PTCD3: variants seen among roughly 807,000 people sequenced by gnomAD.
PTCD3 encodes pentatricopeptide repeat domain 3.
In PTCD3, 89 loss-of-function variants were observed where a neutral mutation model predicts 101.9. The ratio of observed to expected loss-of-function variants is 0.87; its 90% CI spans 0.74 to 1.04. The LOEUF (loss-of-function observed/expected upper bound fraction) is 1.04. PTCD3 is among the 50% of genes least tolerant of loss of function. PTCD3 has a pLI of 0.00. For missense variants in PTCD3, 870 were observed against 828.2 expected, an observed-to-expected ratio of 1.05 and a Z score of -0.62; for synonymous variants, 296 against 278.5, an observed-to-expected ratio of 1.06 and a Z score of -0.63.
Position 86,111,142 on chromosome 2 carries a change from C to G in PTCD3, c.224C>G (p.Ala75Gly), listed in dbSNP as rs768878149. 1.9e-6 allele frequency: 3 copies of G among 1,613,518 alleles called. No homozygotes were observed. Among genetic ancestry groups the G allele is most frequent in the East Asian group, 2.2e-5 (1 of 44,880 alleles). ...AAAGTAGCCGTTCTTCAGGCACTTG[C>G]ATCCACAGTAAACAGGGTAAGTAGG... ...WDKVAVLQAL[A>G]STVNRDTTAV... Residue 75 changes from alanine to glycine, a missense_variant, in exon 4 of 24, where the codon GCA (alanine) becomes GGA (glycine). By Grantham distance (60) the Ala-to-Gly change is moderately conservative. Coordinates refer to ENST00000254630, the MANE Select transcript of PTCD3 (RefSeq NM_017952.6).
intron 17 of PTCD3, 163 bp downstream of exon 17, chr2:86,132,587 G>C: frequency 2.1e-6 from 1 of 465,872 alleles, no homozygotes; most frequent in Non-Finnish European, 3.8e-6. Flanking sequence ...TGGTAAAACT[G>C]CCAGATTTGA....
chr2:86,122,483 C>G (rs1444991300), intron 8 of PTCD3, among the ~76,000 whole-genome samples: 1 of 151,198 alleles, frequency 6.6e-6, no homozygotes, highest in Non-Finnish European at 1.5e-5. Context: ...GCTATCATAG[C>G]TTACTGCAGC....
chr2:86,106,431 GGCAC>G (rs1223330975), intron 1 of PTCD3, 80 bp downstream of exon 1: 20 of 1,441,554 alleles, frequency 1.4e-5, no homozygotes, highest in Admixed American at 1.9e-5. Flanking sequence ...TGTGGAAGTA[GGCAC>G]GATGAAATGG....
In PTCD3 at chr2:86,134,277, C is replaced by CT. The variant is rs1166920794; in HGVS notation, c.1544-12dup. On this transcript the variant is annotated splice_polypyrimidine_tract_variant and intron_variant, in intron 19 of 23. Coordinates refer to ENST00000254630, the MANE Select transcript of PTCD3 (RefSeq NM_017952.6). ...ACATAACAATGATCACTCCTTGTTC[C>CT]TTTCTTGTTTCAAGATAGTAAAGAA... 1 of 1,577,874 alleles carries CT rather than the reference C, an allele frequency of 6.3e-7. No homozygotes were observed. The highest frequency in any genetic ancestry group is 1.3e-5 in the African/African-American group (1 of 74,112).
chr2:86,122,401 C>T (rs1674299115), intron 8 of PTCD3, among the ~76,000 whole-genome samples: 4 of 152,214 alleles, frequency 2.6e-5, no homozygotes, highest in Admixed American at 2.6e-4. Flanking sequence ...CTTTGCCCAA[C>T]TAAATGTGGA....
intron 12 of PTCD3, among the ~76,000 whole-genome samples, chr2:86,126,782 A>G (rs573826554): frequency 1.2e-3 from 179 of 151,864 alleles, no homozygotes; most frequent in Non-Finnish European, 1.9e-3. Flanking sequence ...GGTTGCAGTG[A>G]GCCAAGATCG....
At chr2:86,115,192 C>T (rs931885905) in intron 4 of PTCD3, among the ~76,000 whole-genome samples, 1 of 152,190 alleles carries the variant, frequency 6.6e-6, no homozygotes, top group Admixed American at 6.5e-5. Context: ...CAGCCTTGGA[C>T]GCAGACCTTC....
rs1340030078 is a variant in PTCD3 at position 86,141,609 on chromosome 2, T to TA, written c.*4053dup. ...AGTTTGTTACATTATTTTGAAATAT[T>TA]AAACATGAAAATGTTAAATCAGGAT... On this transcript the variant is annotated 3_prime_UTR_variant, in exon 24 of 24. Transcript: ENST00000254630. 2 of 152,224 alleles carry TA rather than the reference T, an allele frequency of 1.3e-5. No homozygotes were observed. Among genetic ancestry groups the TA allele is most frequent in the Non-Finnish European group, 2.9e-5 (2 of 68,034 alleles). The allele number at this position is 152,224 out of a possible 1,614,324, so 9.4% of individuals were successfully genotyped here. A position where few individuals can be genotyped will look rare whatever the true frequency, so the allele number is the denominator to read the frequency against.
rs551460460 is a variant in PTCD3, at chr2:86,121,530, A to C, written c.590A>C (p.Tyr197Ser). 6.2e-7 allele frequency: 1 copy of C among 1,611,648 alleles called. No homozygotes were observed. Among genetic ancestry groups the C allele is most frequent in the Non-Finnish European group, 8.5e-7 (1 of 1,178,894 alleles). Residue 197 changes from tyrosine (Y) to serine (S), a missense_variant, in exon 8 of 24, where the codon TAC (tyrosine) becomes TCC (serine). Physicochemically the swap from Tyr to Ser is moderately radical, Grantham distance 144. Transcript: ENST00000254630. ...TTNSLLDLLC[Y>S]YGDQEPSTDY... ...AATAGTCTCTTGGATTTATTGTGTT[A>C]CTATGGTGACCAGGAGCCCTCAACT...
chr2:86,112,759 T>G (rs550452952), intron 4 of PTCD3, among the ~76,000 whole-genome samples: 1 of 152,146 alleles, frequency 6.6e-6, no homozygotes, highest in East Asian at 1.9e-4. Flanking sequence ...GCTAAGGTTT[T>G]GAAAGTGGCC....
intron 21 of PTCD3, chr2:86,135,821 T>C (rs767581346): frequency 2.1e-5 from 10 of 477,804 alleles, no homozygotes; most frequent in Middle Eastern, 4.8e-4. Context: ...ACGTATGACA[T>C]TTGCATTTGG....
At chr2:86,132,137 T>C (rs984676517) in intron 16 of PTCD3, among the ~76,000 whole-genome samples, 181 bp from the exon 17 acceptor site, 3 of 152,238 alleles carry the variant, frequency 2.0e-5, no homozygotes, top group Non-Finnish European at 4.4e-5. Flanking sequence ...AAAATAATAT[T>C]GTAATAAATT....
chr2:86,132,787 AC>A (rs2104461218), intron 17 of PTCD3: 2 of 297,064 alleles, frequency 6.7e-6, no homozygotes, highest in East Asian at 1.4e-4. Flanking sequence ...ACCTAGAGAT[AC>A]TCCCTAAATG....
chr2:86,111,015 A>C, intron 3 of PTCD3, 98 bp from the exon 4 acceptor site: 5 of 1,072,564 alleles, frequency 4.7e-6, no homozygotes, highest in Non-Finnish European at 7.3e-6. Context: ...TGAGATCTGC[A>C]CTATGTTATT....
chr2:86,108,906 TA>T (rs1674020553), intron 3 of PTCD3: 2 of 194,084 alleles, frequency 1.0e-5, no homozygotes, highest in South Asian at 1.8e-4. Flanking sequence ...TCTAATGAGG[TA>T]AAAATAAAGT....
At chr2:86,120,584 A>G (rs553039355) in intron 7 of PTCD3, among the ~76,000 whole-genome samples, 9 of 152,136 alleles carry the variant, frequency 5.9e-5, no homozygotes, top group African/African-American at 1.9e-4. Flanking sequence ...AAATTTATCA[A>G]TGTATTTTGT....
chr2:86,121,408 C>T, intron 7 of PTCD3, 71 bp from the exon 8 acceptor site: 2 of 955,530 alleles, frequency 2.1e-6, no homozygotes, highest in Non-Finnish European at 1.6e-6. Context: ...AAAAATGACA[C>T]ATTTTAACCT....
Position 86,140,440 on chromosome 2 carries a change from G to A in PTCD3, c.*2881G>A, listed in dbSNP as rs941675016. On this transcript the variant is annotated 3_prime_UTR_variant, in exon 24 of 24. Coordinates refer to ENST00000254630, the MANE Select transcript of PTCD3 (RefSeq NM_017952.6). The stretch of plus-strand genomic sequence containing the variant: ...GAAATGCATTAGAACATCTAAGCAC[G>A]TCACCTACAGTTTTGTGATGGTGCA... The A allele has an allele frequency of 5.9e-5, 9 of 152,160 alleles. No individual in the cohort carries two copies. Among genetic ancestry groups the A allele is most frequent in the South Asian group, 2.1e-4 (1 of 4,830 alleles). The allele number at this position is 152,160 out of a possible 1,614,324, so 9.4% of individuals were successfully genotyped here.
intron 3 of PTCD3, chr2:86,108,746 G>A (rs985661624): frequency 6.6e-6 from 3 of 454,042 alleles, no homozygotes; most frequent in Admixed American, 4.0e-5. Context: ...TTACTTAAAA[G>A]AACAATTGAA....
Sources: gnomAD v4.1 joint callset for allele counts (sites outside exome capture counted in the v4.1 genomes callset) on GRCh38, gnomAD v4.1.1 for gene constraint, MANE v1.5 for transcripts, NCBI Gene and HGNC (gene_info 2026-07-23, HGNC 2026-07-21) for gene names.